The following UNC79 variants were observed in gnomAD, a reference collection of about 807,000 sequenced individuals.
UNC79 encodes unc-79 subunit of NALCN channel complex, also known as protein unc-79 homolog.
UNC79 carries 37 observed loss-of-function variants against 283.1 expected under a neutral mutation model. That is an observed-to-expected ratio of 0.13 (90% CI 0.10 to 0.17). The LOEUF is 0.17. Among genes scored for constraint, UNC79 ranks in the 10% least tolerant of loss-of-function variants. The pLI is 1.00. For missense variants in UNC79, 2,272 were observed against 3,211.1 expected, an observed-to-expected ratio of 0.71 and a Z score of 7.07; for synonymous variants, 1,107 against 1,200.2, an observed-to-expected ratio of 0.92 and a Z score of 1.61.
chr14:93,497,793 C>T (rs1223108680), intron 7 of UNC79, among the ~76,000 whole-genome samples: 1 of 152,100 alleles, frequency 6.6e-6, no homozygotes, highest in African/African-American at 2.4e-5. Flanking sequence ...GTAGACCATC[C>T]TGGCTAACAT....
intron 40 of UNC79, among the ~76,000 whole-genome samples, chr14:93,665,367 T>C (rs1416658658): frequency 2.6e-5 from 4 of 151,214 alleles, no homozygotes; most frequent in Non-Finnish European, 5.9e-5. Flanking sequence ...AAATGGAAAA[T>C]AGATGAGAAG....
chr14:93,539,289 G>C (rs867490172), intron 12 of UNC79, among the ~76,000 whole-genome samples: 2 of 149,998 alleles, frequency 1.3e-5, no homozygotes, highest in African/African-American at 2.4e-5. Context: ...TTGAGAGACC[G>C]AGGCGGGTGG....
chr14:93,359,375 G>A (rs1209110023), intron 1 of UNC79, among the ~76,000 whole-genome samples: 4 of 152,198 alleles, frequency 2.6e-5, no homozygotes, highest in African/African-American at 9.7e-5. Context: ...ATTTATGAGG[G>A]CAGCACCTGC....
At chr14:93,691,483 A>G in intron 45 of UNC79, 1 of 558,772 alleles carries the variant, frequency 1.8e-6, no homozygotes. Flanking sequence ...TTAAAGGGCA[A>G]GGGGGTGGGT....
At chr14:93,701,346 G>C (rs1412015991) in intron 47 of UNC79, among the ~76,000 whole-genome samples, 3 of 152,198 alleles carry the variant, frequency 2.0e-5, no homozygotes, top group Non-Finnish European at 4.4e-5. Flanking sequence ...GGCTGAAAGA[G>C]AAAGTTTCAT....
intron 41 of UNC79, among the ~76,000 whole-genome samples, chr14:93,677,182 C>T (rs990146589): frequency 6.6e-6 from 1 of 152,124 alleles, no homozygotes; most frequent in Non-Finnish European, 1.5e-5. Flanking sequence ...GTGAGGCATA[C>T]CTTAAAACAG....
At chr14:93,660,563 A>ATGTGTGTGTGTGTG (rs1555394962) in intron 39 of UNC79, among the ~76,000 whole-genome samples, 16 of 64,770 alleles carry the variant, frequency 2.5e-4, no homozygotes, top group African/African-American at 6.4e-4. Context: ...ATATATATAT[A>ATGTGTGTGTGTGTG]TGTGTGTGTG....
At chr14:93,486,108 C>T (rs2058414653) in intron 4 of UNC79, among the ~76,000 whole-genome samples, 1 of 151,970 alleles carries the variant, frequency 6.6e-6, no homozygotes, top group Non-Finnish European at 1.5e-5. Flanking sequence ...AGGTTATTTG[C>T]TTTTTGTTGT....
chr14:93,643,849 T>C lies in UNC79; in HGVS notation c.6044+152T>C, dbSNP rs911087858. The C allele has an allele frequency of 1.3e-4, 161 of 1,193,054 alleles. 1 individual carries two copies. In the African/African-American group the frequency reaches 2.3e-3, roughly 17 times the overall value. The allele number at this position is 1,193,054 out of a possible 1,614,324, so 73.9% of individuals were successfully genotyped here. A position where few individuals can be genotyped will look rare whatever the true frequency, so the allele number is the denominator to read the frequency against. On this transcript the variant is annotated intron_variant, in intron 34 of 48. Coordinates refer to ENST00000555664, the Ensembl canonical transcript of UNC79. ...ACTCAGACTAGTTTTAAAAACCAAA[T>C]AGACTCGTCTTTCGACTGAATTCTC...
intron 41 of UNC79, among the ~76,000 whole-genome samples, chr14:93,674,178 G>A (rs1566904013): frequency 1.3e-5 from 2 of 152,164 alleles, no homozygotes. Context: ...GGGAGAAGTT[G>A]AGAGCAGGAT....
chr14:93,470,872 G>C (rs955341634), intron 2 of UNC79, among the ~76,000 whole-genome samples: 4 of 152,064 alleles, frequency 2.6e-5, no homozygotes, highest in Non-Finnish European at 5.9e-5. Flanking sequence ...GAAACATCCT[G>C]TGGCCATATT....
chr14:93,619,254 T>C (rs1399106308), intron 29 of UNC79, among the ~76,000 whole-genome samples: 1 of 152,210 alleles, frequency 6.6e-6, no homozygotes, highest in Non-Finnish European at 1.5e-5. Context: ...AAGAATATCT[T>C]GTCTACCAGT....
chr14:93,654,690 G>A (rs2070733949), intron 37 of UNC79, among the ~76,000 whole-genome samples: 1 of 152,080 alleles, frequency 6.6e-6, no homozygotes, highest in South Asian at 2.1e-4. Context: ...GCGGCTTTGC[G>A]TGGATTTACT....
At chr14:93,503,079 C>T (rs1219061273) in intron 7 of UNC79, among the ~76,000 whole-genome samples, 1 of 152,110 alleles carries the variant, frequency 6.6e-6, no homozygotes, top group Non-Finnish European at 1.5e-5. Context: ...CCATATGTTC[C>T]CTCTTACACC....
chr14:93,630,033 T>A (rs1163100370), intron 30 of UNC79, among the ~76,000 whole-genome samples: 1 of 152,208 alleles, frequency 6.6e-6, no homozygotes, highest in African/African-American at 2.4e-5. Context: ...TACTGATAGG[T>A]TAATAAGACA....
rs531961778 is a variant in UNC79, at chr14:93,439,277, G to A, written c.22+8226G>A. ...ATAGCAGAGAGAGTGGGTGTTCTTG[G>A]CTTGTATTTTACTTTAGTAGGAAAA... On this transcript the variant is annotated intron_variant, in intron 1 of 48. Coordinates refer to ENST00000555664, the Ensembl canonical transcript of UNC79. Among the ~76,000 whole-genome samples the A allele has an allele frequency of 3.2e-4, 48 of 150,784 alleles. 1 individual carries two copies. The South Asian group carries it at 9.9e-3, about 31-fold the overall frequency.
intron 33 of UNC79, among the ~76,000 whole-genome samples, chr14:93,641,780 C>G (rs534384343): frequency 1.0e-3 from 154 of 152,268 alleles, no homozygotes; most frequent in Non-Finnish European, 1.6e-3. Flanking sequence ...TGGCTATGTT[C>G]CCACCCAAAT....
At chr14:93,439,348 T>C (rs893662026) in intron 1 of UNC79, among the ~76,000 whole-genome samples, 1 of 152,102 alleles carries the variant, frequency 6.6e-6, no homozygotes, top group East Asian at 1.9e-4. Flanking sequence ...TGAGGTAATA[T>C]ACTAGGCAGT....
chr14:93,346,056 T>G (rs908128336), intron 1 of UNC79, among the ~76,000 whole-genome samples: 3 of 151,734 alleles, frequency 2.0e-5, no homozygotes, highest in Non-Finnish European at 4.4e-5. Context: ...CTATAACCAT[T>G]CAAATTAGCA....
Sources: allele counts gnomAD v4.1 joint callset (sites outside exome capture counted in the v4.1 genomes callset), GRCh38; gene constraint gnomAD v4.1.1; transcripts MANE v1.5; gene names NCBI Gene and HGNC (gene_info 2026-07-23, HGNC 2026-07-21).